The following ZMYM2 variants were observed in gnomAD, a reference collection of about 807,000 sequenced individuals.
ZMYM2 encodes zinc finger MYM-type containing 2, also known as zinc finger MYM-type protein 2.
A neutral mutation model predicts 162.8 loss-of-function variants in ZMYM2; 56 were observed. That is an observed-to-expected ratio of 0.34 (90% CI 0.28 to 0.43). The LOEUF (loss-of-function observed/expected upper bound fraction) is 0.43. ZMYM2 is among the 20% of genes least tolerant of loss of function. The pLI is 1.00. For synonymous variants in ZMYM2, 510 were observed against 541.6 expected, an observed-to-expected ratio of 0.94 and a Z score of 0.81; for missense variants, 1,275 against 1,621.8, an observed-to-expected ratio of 0.79 and a Z score of 3.67.
intron 21 of ZMYM2, among the ~76,000 whole-genome samples, chr13:20,069,013 C>T (rs893290400): frequency 6.6e-6 from 1 of 152,108 alleles, no homozygotes; most frequent in African/African-American, 2.4e-5. Context: ...TTCTCTGCCC[C>T]ACTGATCTCT....
intron 21 of ZMYM2, among the ~76,000 whole-genome samples, chr13:20,075,632 C>T (rs905759393): frequency 4.1e-5 from 6 of 147,384 alleles, no homozygotes; most frequent in East Asian, 2.0e-4. Context: ...AACACATATC[C>T]GTCATACTAA....
chr13:19,876,355 C>T, the ZMYM2 span, among the ~76,000 whole-genome samples: 3 of 147,892 alleles, frequency 2.0e-5, no homozygotes, highest in Non-Finnish European at 3.0e-5. Flanking sequence ...TGGAGTCTCC[C>T]TCTGTCACCC....
the ZMYM2 span, among the ~76,000 whole-genome samples, chr13:19,868,499 C>A: frequency 6.6e-6 from 1 of 152,062 alleles, no homozygotes; most frequent in African/African-American, 2.4e-5. Context: ...TTTTTTCAAA[C>A]CATTGTTTTC....
upstream of ZMYM2, among the ~76,000 whole-genome samples, chr13:19,953,831 A>G (rs1954470173): frequency 6.6e-6 from 1 of 152,080 alleles, no homozygotes; most frequent in East Asian, 1.9e-4. Flanking sequence ...TTCAAACCAC[A>G]GTTTGTAAAC....
the ZMYM2 span, among the ~76,000 whole-genome samples, chr13:19,887,739 TC>T: frequency 6.6e-6 from 1 of 151,928 alleles, no homozygotes; most frequent in Non-Finnish European, 1.5e-5. Context: ...GGTGACCAAT[TC>T]TTTTTGCAAG....
At chr13:19,930,605 T>C in the ZMYM2 span, among the ~76,000 whole-genome samples, 1 of 150,786 alleles carries the variant, frequency 6.6e-6, no homozygotes, top group Admixed American at 6.6e-5. Context: ...TGGCGCGATC[T>C]TGGCTCACTG....
intron 14 of ZMYM2, among the ~76,000 whole-genome samples, chr13:20,054,463 T>C (rs2140640727): frequency 6.6e-6 from 1 of 152,304 alleles, no homozygotes; most frequent in Middle Eastern, 3.4e-3. Context: ...ATGGGAGTGA[T>C]AAAAAGTCCT....
At chr13:19,969,091 C>G (rs533904941) in intron 2 of ZMYM2, among the ~76,000 whole-genome samples, 11 of 152,088 alleles carry the variant, frequency 7.2e-5, no homozygotes, top group Non-Finnish European at 1.3e-4. Context: ...AATTCCATTC[C>G]CCTTGAGACC....
chr13:19,949,234 A>T, the ZMYM2 span, among the ~76,000 whole-genome samples: 1 of 151,914 alleles, frequency 6.6e-6, no homozygotes. Context: ...ACATGGTGAA[A>T]CCCCATCTCT....
the ZMYM2 span, among the ~76,000 whole-genome samples, chr13:19,896,552 C>T: frequency 4.0e-5 from 6 of 150,222 alleles, no homozygotes; most frequent in African/African-American, 7.4e-5. Context: ...GTCAGGAGAT[C>T]GAGACCATCC....
At chr13:20,059,014 T>TG in intron 15 of ZMYM2, 1 of 442,812 alleles carries the variant, frequency 2.3e-6, no homozygotes, top group Non-Finnish European at 4.2e-6. Flanking sequence ...ATCATCTCTT[T>TG]GCATGTGGTT....
chr13:19,892,087 T>G, the ZMYM2 span, among the ~76,000 whole-genome samples: 1 of 151,458 alleles, frequency 6.6e-6, no homozygotes, highest in East Asian at 1.9e-4. Context: ...ACCACAGGCG[T>G]GAGCTAGCAC....
chr13:20,039,742 C>A (rs1954065588), intron 12 of ZMYM2, among the ~76,000 whole-genome samples: 1 of 152,160 alleles, frequency 6.6e-6, no homozygotes, highest in South Asian at 2.1e-4. Flanking sequence ...TCCTAAAGTG[C>A]TGGGATTACA....
At chr13:20,045,394 T>TA (rs1402424595) in intron 12 of ZMYM2, among the ~76,000 whole-genome samples, 1 of 152,234 alleles carries the variant, frequency 6.6e-6, no homozygotes, top group Non-Finnish European at 1.5e-5. Flanking sequence ...TTCATTACTT[T>TA]ACTGTTGCTT....
chr13:19,918,602 G>A, the ZMYM2 span, among the ~76,000 whole-genome samples: 72 of 144,422 alleles, frequency 5.0e-4, no homozygotes, highest in African/African-American at 1.7e-3. Context: ...GGGTTCAAGC[G>A]ATTCTCCTGC....
Position 20,088,223 on chromosome 13 carries a change from G to T in ZMYM2, c.*2209G>T, listed in dbSNP as rs1242000865. ...ATTAACTTGATTCTCAGGGGGAAAA[G>T]AAAAACTTATTTTATGAGAATTGTT... On this transcript the variant is annotated 3_prime_UTR_variant, in exon 25 of 25. Coordinates refer to ENST00000610343, the MANE Select transcript of ZMYM2 (RefSeq NM_197968.4). The T allele has an allele frequency of 4.8e-6, 1 of 207,624 alleles. No homozygotes were observed. Among genetic ancestry groups the T allele is most frequent in the Middle Eastern group, 1.6e-3 (1 of 640 alleles). 12.9% of individuals were successfully genotyped at this position (207,624 alleles called of 1,614,324 possible).
chr13:20,036,324 G>A (rs1379610281), intron 11 of ZMYM2, among the ~76,000 whole-genome samples: 1 of 151,518 alleles, frequency 6.6e-6, no homozygotes, highest in Non-Finnish European at 1.5e-5. Context: ...TAGCTAAAAT[G>A]CCCACTTAAG....
At chr13:20,033,816 T>A (rs544303695) in intron 10 of ZMYM2, among the ~76,000 whole-genome samples, 2 of 152,224 alleles carry the variant, frequency 1.3e-5, no homozygotes, top group Non-Finnish European at 2.9e-5. Context: ...CCATGATACA[T>A]CTGTTACTAT....
chr13:19,976,326 CAAAAAAAA>C (rs1180338588), intron 2 of ZMYM2, among the ~76,000 whole-genome samples: 2 of 103,436 alleles, frequency 1.9e-5, no homozygotes, highest in African/African-American at 6.5e-5. Context: ...GACTGCACCT[CAAAAAAAA>C]AAAAAGAAAG....
Sources: allele counts gnomAD v4.1 joint callset (sites outside exome capture counted in the v4.1 genomes callset), GRCh38; gene constraint gnomAD v4.1.1; transcripts MANE v1.5; gene names NCBI Gene and HGNC (gene_info 2026-07-23, HGNC 2026-07-21).